Variants in PPP2R3A observed in about 807,000 individuals in gnomAD.
The protein encoded by PPP2R3A is serine/threonine-protein phosphatase 2A regulatory subunit B'' subunit alpha.
PPP2R3A carries 80 observed loss-of-function variants against 106.9 expected under a neutral mutation model. The ratio of observed to expected loss-of-function variants is 0.75; its 90% CI spans 0.62 to 0.90. The LOEUF (loss-of-function observed/expected upper bound fraction) is 0.90. PPP2R3A is among the 40% of genes least tolerant of loss of function. PPP2R3A has a pLI of 0.00. For missense variants in PPP2R3A, 1,386 were observed against 1,350.4 expected (o/e 1.03, Z -0.41); for synonymous variants, 483 against 468.3 (o/e 1.03, Z -0.41).
intron 13 of PPP2R3A, among the ~76,000 whole-genome samples, chr3:136,126,927 C>CTGTT (rs1234311341): frequency 6.6e-6 from 1 of 152,146 alleles, no homozygotes; most frequent in Non-Finnish European, 1.5e-5. Flanking sequence ...AGGGACCTGA[C>CTGTT]TGTTAGAAGG....
At chr3:136,058,933 T>C (rs1229993148) in intron 5 of PPP2R3A, among the ~76,000 whole-genome samples, 1 of 152,230 alleles carries the variant, frequency 6.6e-6, no homozygotes, top group East Asian at 1.9e-4. Context: ...GATAACTGGC[T>C]AGCCACATGC....
chr3:135,985,619 C>A (rs545644626), intron 1 of PPP2R3A, among the ~76,000 whole-genome samples: 1 of 152,216 alleles, frequency 6.6e-6, no homozygotes, highest in African/African-American at 2.4e-5. Context: ...GGCATACAGA[C>A]GGATTGTCTT....
Position 136,063,552 on chromosome 3 carries a change from C to A in PPP2R3A, c.2470-6926C>A, listed in dbSNP as rs560284444. ...ACAAAGGGCTAATATCTAGAATCTACAATGAACTCCAACAAATTTACAAGA... is the reference window on the plus strand; with the variant it reads ...ACAAAGGGCTAATATCTAGAATCTAAAATGAACTCCAACAAATTTACAAGA... On this transcript the variant is annotated intron_variant, in intron 5 of 13. Transcript: ENST00000264977. Among the ~76,000 whole-genome samples, 64 of 152,274 alleles carry A rather than the reference C, an allele frequency of 4.2e-4. No individual in the cohort carries two copies. The South Asian group carries it at 0.013, about 31-fold the overall frequency.
In PPP2R3A at chr3:136,040,937, C is replaced by T; in HGVS notation, c.2341C>T (p.Gln781Ter). ...GGEKTGFVTA[Q>*]SFIAMWRKLL... ...AGAGAAGACAGGATTTGTGACAGCA[C>T]AGTCATTCATTGCCATGTGGAGAAA... The change falls in exon 4 of 14, where the codon CAG becomes TAG. Residue 781 changes from glutamine (Q) to a stop codon, truncating the protein, a stop_gained. Transcript: ENST00000264977. LOFTEE classifies it high-confidence loss of function. The T allele has an allele frequency of 6.2e-7, 1 of 1,613,564 alleles. No individual in the cohort carries two copies. The highest frequency in any genetic ancestry group is 8.5e-7 in the Non-Finnish European group (1 of 1,179,756).
intron 13 of PPP2R3A, among the ~76,000 whole-genome samples, chr3:136,130,179 G>C (rs980261104): frequency 1.3e-5 from 2 of 152,114 alleles, no homozygotes; most frequent in Non-Finnish European, 2.9e-5. Context: ...AGTCAGGCAA[G>C]AGAAAGAAAT....
intron 8 of PPP2R3A, among the ~76,000 whole-genome samples, chr3:136,087,054 A>AT (rs1936955624): frequency 1.3e-5 from 2 of 152,152 alleles, no homozygotes; most frequent in South Asian, 4.2e-4. Context: ...ATACAAAAAA[A>AT]TTAGCCAGGT....
At chr3:136,114,714 C>T (rs1009643670) in intron 13 of PPP2R3A, among the ~76,000 whole-genome samples, 1 of 152,152 alleles carries the variant, frequency 6.6e-6, no homozygotes, top group Non-Finnish European at 1.5e-5. Context: ...GCTGCTGTGG[C>T]CAGACTGCCT....
intron 5 of PPP2R3A, among the ~76,000 whole-genome samples, chr3:136,068,804 C>T (rs984170162): frequency 2.0e-5 from 3 of 150,602 alleles, no homozygotes; most frequent in African/African-American, 7.5e-5. Context: ...ACCACTTGAA[C>T]TAAGTGTGAT....
chr3:136,125,973 T>C (rs1385120655), intron 13 of PPP2R3A, among the ~76,000 whole-genome samples: 1 of 152,162 alleles, frequency 6.6e-6, no homozygotes, highest in African/African-American at 2.4e-5. Flanking sequence ...ATAAAGGACA[T>C]CTGTAGTTAA....
At chr3:136,004,105 G>A (rs1453200833) in intron 2 of PPP2R3A, among the ~76,000 whole-genome samples, 2 of 152,100 alleles carry the variant, frequency 1.3e-5, no homozygotes, top group East Asian at 3.9e-4. Context: ...AAGACTAAAG[G>A]GTAAGATTTG....
intron 2 of PPP2R3A, chr3:136,023,266 A>G: frequency 3.9e-6 from 5 of 1,283,334 alleles, no homozygotes; most frequent in Non-Finnish European, 5.5e-6. Context: ...TTTATTACTA[A>G]TAAAACCATC....
chr3:136,064,780 C>A (rs1047091436), intron 5 of PPP2R3A, among the ~76,000 whole-genome samples: 20 of 152,078 alleles, frequency 1.3e-4, no homozygotes, highest in African/African-American at 4.3e-4. Context: ...CTCCTTTGAA[C>A]ATTCCAAGAC....
At chr3:136,026,242 G>A (rs1160335463) in intron 2 of PPP2R3A, among the ~76,000 whole-genome samples, 1 of 152,092 alleles carries the variant, frequency 6.6e-6, no homozygotes, top group Non-Finnish European at 1.5e-5. Context: ...GGCCCTAGTG[G>A]CAAATAAATC....
chr3:135,976,377 G>A lies in PPP2R3A; in HGVS notation c.-441+10528G>A, dbSNP rs550668221. Among the ~76,000 whole-genome samples, 4 of 152,208 alleles carry A rather than the reference G, an allele frequency of 2.6e-5. No homozygotes were observed. In the South Asian group the frequency reaches 6.2e-4, roughly 24 times the overall value. On this transcript the variant is annotated intron_variant, in intron 1 of 13. Transcript: ENST00000264977. ...TAAACCATCAGGACCGTCATGGTAG[G>A]TCAGTGAGCCAAAAAGGCTGGCTCT...
intron 4 of PPP2R3A, among the ~76,000 whole-genome samples, chr3:136,046,217 C>T (rs1935466025): frequency 6.6e-6 from 1 of 152,036 alleles, no homozygotes. Flanking sequence ...GTTGGGAGGC[C>T]GAGGCAGGTG....
chr3:136,073,075 C>T (rs1343838881), intron 6 of PPP2R3A, among the ~76,000 whole-genome samples: 1 of 152,176 alleles, frequency 6.6e-6, no homozygotes, highest in Admixed American at 6.5e-5. Flanking sequence ...TCACGCCATT[C>T]TCCTGCCTCA....
At chr3:136,035,290 T>C (rs1230542143) in intron 3 of PPP2R3A, among the ~76,000 whole-genome samples, 1 of 152,150 alleles carries the variant, frequency 6.6e-6, no homozygotes, top group Non-Finnish European at 1.5e-5. Context: ...TTTTTTGTTT[T>C]TGTTTTTTAA....
At chr3:135,976,672 C>A (rs915872706) in intron 1 of PPP2R3A, among the ~76,000 whole-genome samples, 2 of 152,146 alleles carry the variant, frequency 1.3e-5, no homozygotes, top group African/African-American at 4.8e-5. Context: ...TTTGTGGTAT[C>A]TTTTGTTAAA....
chr3:135,993,956 G>A lies in PPP2R3A; in HGVS notation c.-440-7103G>A, dbSNP rs114088212. On this transcript the variant is annotated intron_variant, in intron 1 of 13. Coordinates refer to ENST00000264977, the MANE Select transcript of PPP2R3A (RefSeq NM_002718.5). ...TATGGGTAAGGGAAATTGAGAAAGG[G>A]CCTAGGGATAATTTTGCGGTGATAA... 1.7e-3 allele frequency among the ~76,000 whole-genome samples: 254 copies of A among 152,266 alleles called. 1 individual carries two copies. The highest frequency in any genetic ancestry group is 6.0e-3 in the African/African-American group (248 of 41,550).
Sources: gnomAD v4.1 joint callset for allele counts (sites outside exome capture counted in the v4.1 genomes callset) on GRCh38, gnomAD v4.1.1 for gene constraint, MANE v1.5 for transcripts, NCBI Gene and HGNC (gene_info 2026-07-23, HGNC 2026-07-21) for gene names.